Variants in AHCTF1 observed in about 807,000 individuals in gnomAD.
AHCTF1 encodes the protein protein ELYS.
A neutral mutation model predicts 248.4 loss-of-function variants in AHCTF1; 24 were observed. The observed-to-expected ratio is 0.10, with a 90% CI of 0.07 to 0.14. AHCTF1 has a LOEUF of 0.14. AHCTF1 is among the 10% of genes least tolerant of loss of function. The pLI is 1.00. For missense variants in AHCTF1, 2,206 were observed against 2,636.2 expected (o/e 0.84, Z 3.57); for synonymous variants, 786 against 929.8 (o/e 0.85, Z 2.81).
In AHCTF1 at chr1:246,861,812, C is replaced by T. The variant is rs531403920; in HGVS notation, c.3735+147G>A. ...GCCCTAGTGTTTCTTTCAGAACTAA[C>T]CTTTTCTTATTTCATTACTAGCTAC... On this transcript the variant is annotated intron_variant, in intron 28 of 35. Coordinates refer to ENST00000648844, the MANE Select transcript of AHCTF1 (RefSeq NM_001323342.2). 3.3e-4 allele frequency: 240 copies of T among 738,456 alleles called. 1 individual carries two copies. The East Asian group carries it at 6.6e-3, about 20-fold the overall frequency. 45.7% of individuals were successfully genotyped at this position (738,456 alleles called of 1,614,324 possible).
intron 21 of AHCTF1, among the ~76,000 whole-genome samples, chr1:246,880,388 A>G (rs1357102878): frequency 2.0e-5 from 3 of 151,760 alleles, no homozygotes; most frequent in African/African-American, 7.3e-5. Flanking sequence ...CATGGTAAAA[A>G]CCCCGTCTCT....
intron 30 of AHCTF1, 140 bp downstream of exon 30, chr1:246,857,551 T>C: frequency 1.1e-6 from 1 of 945,624 alleles, no homozygotes; most frequent in East Asian, 2.7e-5. Context: ...ACTAAACTTC[T>C]TTTAAAACAG....
chr1:246,879,985 TA>T (rs1317089233), intron 21 of AHCTF1, among the ~76,000 whole-genome samples: 1 of 152,166 alleles, frequency 6.6e-6, no homozygotes, highest in African/African-American at 2.4e-5. Context: ...CAGAAGGGTG[TA>T]CAGTTAGAAG....
chr1:246,858,085 G>C (rs932365689), intron 29 of AHCTF1, among the ~76,000 whole-genome samples: 1 of 150,946 alleles, frequency 6.6e-6, no homozygotes, highest in South Asian at 2.1e-4. Context: ...TCCGCCCCCC[G>C]AGTAGCTGGC....
Position 246,842,725 on chromosome 1 carries a change from T to G in AHCTF1, c.6577A>C (p.Ile2193Leu). The G allele has an allele frequency of 6.2e-7, 1 of 1,613,812 alleles. No homozygotes were observed. Among genetic ancestry groups the G allele is most frequent in the African/African-American group, 1.3e-5 (1 of 75,066 alleles). ...GCTTGTTTTGTTTTTGACGTCCTGA[T>G]TCGTTTCGCTTTTGGCTTTCCCAGA... The part of the protein sequence containing the change: ...ETLGKPKAKR[I>L]RTSKTKQASK... The change falls in exon 35 of 36, where the codon ATC (isoleucine) becomes CTC (leucine). Residue 2193 changes from isoleucine (I) to leucine (L), a missense_variant. Physicochemically the swap from Ile to Leu is conservative, Grantham distance 5. Coordinates refer to ENST00000648844, the MANE Select transcript of AHCTF1 (RefSeq NM_001323342.2).
chr1:246,891,994 T>C (rs1664238587), intron 14 of AHCTF1, 75 bp from the exon 15 acceptor site: 1 of 1,424,316 alleles, frequency 7.0e-7, no homozygotes, highest in Non-Finnish European at 9.5e-7. Context: ...GCAAAATTTC[T>C]CAAACTCCTA....
At position 246,931,145 on chromosome 1, in the gene AHCTF1, C is replaced by G. The variant is rs1303961684; in HGVS notation, c.-8+433G>C. 5.2e-6 allele frequency: 8 copies of G among 1,550,146 alleles called. No individual in the cohort carries two copies. The East Asian group carries it at 2.0e-4, about 38-fold the overall frequency. ...ACTACTCACTGTGGCCAGGCCCAAG[C>G]GCATGTGGAACACACGCCAACACAG... On this transcript the variant is annotated intron_variant, in intron 1 of 35. Transcript: ENST00000648844.
intron 3 of AHCTF1, among the ~76,000 whole-genome samples, chr1:246,915,677 T>C (rs768583957): frequency 4.6e-5 from 7 of 152,250 alleles, no homozygotes; most frequent in Non-Finnish European, 8.8e-5. Flanking sequence ...CCAAGTTCAA[T>C]TTATTCATCC....
At chr1:246,853,383 A>G in intron 31 of AHCTF1, 84 bp from the exon 32 acceptor site, 1 of 1,116,218 alleles carries the variant, frequency 9.0e-7, no homozygotes, top group South Asian at 1.5e-5. Flanking sequence ...GGAAAAGGCT[A>G]CACTGCACTT....
intron 24 of AHCTF1, among the ~76,000 whole-genome samples, chr1:246,868,940 G>A (rs961026080): frequency 1.3e-5 from 2 of 150,078 alleles, no homozygotes; most frequent in Admixed American, 6.6e-5. Flanking sequence ...TGCCTCCCGG[G>A]TTCACGCCAT....
At chr1:246,843,672 T>C (rs1163195914) in intron 34 of AHCTF1, 123 bp downstream of exon 34, 2 of 873,966 alleles carry the variant, frequency 2.3e-6, no homozygotes, top group Non-Finnish European at 3.0e-6. Flanking sequence ...TTTAAGACAT[T>C]TATTTAAATA....
intron 33 of AHCTF1, among the ~76,000 whole-genome samples, chr1:246,846,752 T>G (rs553271709): frequency 2.4e-3 from 356 of 150,746 alleles, no homozygotes; most frequent in African/African-American, 7.9e-3. Context: ...ATATATTTTT[T>G]GGGGGGATGG....
intron 1 of AHCTF1, among the ~76,000 whole-genome samples, chr1:246,922,485 G>A (rs1666611724): frequency 6.6e-6 from 1 of 151,442 alleles, no homozygotes; most frequent in African/African-American, 2.4e-5. Context: ...GAGTGCAGTG[G>A]CATTATCAGA....
intron 24 of AHCTF1, among the ~76,000 whole-genome samples, chr1:246,875,705 T>C (rs1208236648): frequency 6.6e-6 from 1 of 152,244 alleles, no homozygotes; most frequent in East Asian, 1.9e-4. Context: ...GCAAAAGGAT[T>C]ACGACTCACA....
chr1:246,931,014 C>G (rs1471975271), intron 1 of AHCTF1: 2 of 1,373,344 alleles, frequency 1.5e-6, no homozygotes, highest in Non-Finnish European at 1.9e-6. Context: ...AAAAGGAAGG[C>G]AAAGCACCCC....
chr1:246,925,949 C>G (rs942328654), intron 1 of AHCTF1, among the ~76,000 whole-genome samples: 103 of 151,840 alleles, frequency 6.8e-4, no homozygotes, highest in African/African-American at 2.4e-3. Flanking sequence ...CCTGTAGTCC[C>G]AGCTACTGGG....
intron 3 of AHCTF1, among the ~76,000 whole-genome samples, chr1:246,914,846 C>A (rs145641591): frequency 6.6e-6 from 1 of 152,310 alleles, no homozygotes; most frequent in East Asian, 1.9e-4. Context: ...TCCAAATGAT[C>A]AATGAGTGTC....
intron 3 of AHCTF1, 67 bp downstream of exon 3, chr1:246,916,075 C>T: frequency 6.6e-7 from 1 of 1,522,416 alleles, no homozygotes; most frequent in Non-Finnish European, 8.8e-7. Flanking sequence ...AAAAGTAACA[C>T]ACCTATATAA....
intron 1 of AHCTF1, among the ~76,000 whole-genome samples, chr1:246,925,856 G>A (rs886525009): frequency 6.6e-6 from 1 of 151,946 alleles, no homozygotes; most frequent in Non-Finnish European, 1.5e-5. Context: ...GACTGACTGA[G>A]CCCAGGAATT....
Sources: allele counts gnomAD v4.1 joint callset (sites outside exome capture counted in the v4.1 genomes callset), GRCh38; gene constraint gnomAD v4.1.1; transcripts MANE v1.5; gene names NCBI Gene and HGNC (gene_info 2026-07-23, HGNC 2026-07-21).